The following CCDC88C variants were observed in gnomAD, a reference collection of about 807,000 sequenced individuals.
CCDC88C encodes protein Daple.
CCDC88C carries 131 observed loss-of-function variants against 198.8 expected under a neutral mutation model. The ratio of observed to expected loss-of-function variants is 0.66; its 90% CI spans 0.57 to 0.76. CCDC88C has a LOEUF of 0.76. Ranked by LOEUF, CCDC88C falls within the 30% of genes least tolerant of loss-of-function variation. CCDC88C has a pLI of 0.00. For missense variants in CCDC88C, 2,553 were observed against 2,631.6 expected, an observed-to-expected ratio of 0.97 and a Z score of 0.65; for synonymous variants, 1,166 against 1,114.7, an observed-to-expected ratio of 1.05 and a Z score of -0.92.
At chr14:91,380,660 C>A (rs1211949038) in intron 3 of CCDC88C, among the ~76,000 whole-genome samples, 1 of 152,126 alleles carries the variant, frequency 6.6e-6, no homozygotes. Flanking sequence ...CGTTTTCTTA[C>A]ATAACCACAA....
intron 3 of CCDC88C, among the ~76,000 whole-genome samples, chr14:91,405,468 C>T (rs911276452): frequency 6.6e-6 from 1 of 152,104 alleles, no homozygotes; most frequent in Non-Finnish European, 1.5e-5. Flanking sequence ...AGAGGCCGGG[C>T]GGCAGCTTTA....
At position 91,272,676 on chromosome 14, in the gene CCDC88C, C is replaced by T. The variant is rs747124464; in HGVS notation, c.6036G>A (p.Pro2012=). ...CGGTCTGCGGATCCCCGCCGGGCTC[C>T]GGGGAGGCCGGACTGCTCTTTGAGA... The part of the protein sequence containing the change: ...GSVSKSSPAS[P]EPGGDPQTVW... Residue 2012 remains proline, a synonymous_variant, in exon 30 of 30, where the codon CCG becomes CCA. Transcript: ENST00000389857. 1.9e-5 allele frequency: 31 copies of T among 1,611,672 alleles called. No individual in the cohort carries two copies. Among genetic ancestry groups the T allele is most frequent in the African/African-American group, 1.7e-4 (13 of 75,066 alleles).
chr14:91,278,250 C>G (rs747388258), intron 28 of CCDC88C, 39 bp from the exon 29 acceptor site: 5 of 1,544,836 alleles, frequency 3.2e-6, no homozygotes, highest in Admixed American at 3.7e-5. Context: ...CCTCATCAGT[C>G]TTGGCAGCCC....
chr14:91,320,647 G>C (rs1468287721), intron 13 of CCDC88C, among the ~76,000 whole-genome samples: 1 of 152,182 alleles, frequency 6.6e-6, no homozygotes, highest in Admixed American at 6.5e-5. Context: ...GAGCCCTTAG[G>C]CTGCAGGGTC....
chr14:91,391,239 G>A (rs1209865986), intron 3 of CCDC88C, among the ~76,000 whole-genome samples: 1 of 147,924 alleles, frequency 6.8e-6, no homozygotes, highest in African/African-American at 2.5e-5. Context: ...CTCTCTTCCT[G>A]CTAAAAACAA....
intron 27 of CCDC88C, 63 bp downstream of exon 27, chr14:91,281,394 G>T: frequency 1.2e-6 from 2 of 1,611,950 alleles, no homozygotes; most frequent in South Asian, 1.1e-5. Flanking sequence ...TAAAGGAAAG[G>T]TACCGTGGAT....
intron 3 of CCDC88C, among the ~76,000 whole-genome samples, chr14:91,383,494 G>T (rs565384920): frequency 4.6e-5 from 7 of 152,264 alleles, no homozygotes; most frequent in African/African-American, 9.6e-5. Context: ...CAGGAGGAAG[G>T]GGGTGGAGAA....
At chr14:91,301,577 T>C (rs1385547053) in intron 20 of CCDC88C, among the ~76,000 whole-genome samples, 1 of 151,900 alleles carries the variant, frequency 6.6e-6, no homozygotes, top group Non-Finnish European at 1.5e-5. Flanking sequence ...ATTAGCCGGG[T>C]GTGGTGGTGC....
chr14:91,325,923 T>C lies in CCDC88C; in HGVS notation c.1184A>G (p.His395Arg). 1.3e-6 allele frequency: 2 copies of C among 1,552,656 alleles called. No homozygotes were observed. The highest frequency in any genetic ancestry group is 3.9e-5 in the Admixed American group (2 of 51,068). ...KENLQLKSKLHDLELDRDTDK... is the reference protein window; with the variant it reads ...KENLQLKSKLRDLELDRDTDK... ...AGCCTGCAGTACCAATTCCAGGTCGTGAAGCTTGGATTTCAGCTGCAGGTT... is the reference window on the plus strand; with the variant it reads ...AGCCTGCAGTACCAATTCCAGGTCGCGAAGCTTGGATTTCAGCTGCAGGTT... Residue 395 changes from histidine to arginine, a missense_variant, in exon 11 of 30, where the codon CAC (histidine) becomes CGC (arginine). Physicochemically the swap from His to Arg is conservative, Grantham distance 29. Coordinates refer to ENST00000389857, the MANE Select transcript of CCDC88C (RefSeq NM_001080414.4). The surrounding 1 kb of genome is among the most constrained non-coding windows in gnomAD (Gnocchi z 4.1).
intron 16 of CCDC88C, 64 bp from the exon 17 acceptor site, chr14:91,308,556 C>T: frequency 1.3e-6 from 2 of 1,518,422 alleles, no homozygotes; most frequent in Non-Finnish European, 9.1e-7. Flanking sequence ...TCCCAGTGTC[C>T]TCGCTGCCAA....
At chr14:91,311,889 T>C (rs966824592) in intron 15 of CCDC88C, among the ~76,000 whole-genome samples, 1 of 152,022 alleles carries the variant, frequency 6.6e-6, no homozygotes, top group African/African-American at 2.4e-5. Context: ...GGTCTATGTA[T>C]ACAAGGATGT....
chr14:91,313,742 G>T lies in CCDC88C; in HGVS notation c.2074C>A (p.Leu692Ile). The change falls in exon 15 of 30, where the codon CTT becomes ATT. Residue 692 changes from leucine to isoleucine, a missense_variant. This residue lies in a region of CCDC88C where 1,260 missense variants were observed against 1,412.0 expected (regional missense o/e 0.89). Transcript: ENST00000389857. The surrounding 1 kb of genome is among the most constrained non-coding windows in gnomAD (Gnocchi z 5.2). ...LDTLQNVSLQ[L>I]EGLERDNKQL... is the part of the protein sequence containing the mutation. ...TTGTTGTCACGCTCCAGGCCCTCAA[G>T]CTGCAGGGACACGTTCTGCAAGGTG... 1.9e-6 allele frequency: 3 copies of T among 1,609,006 alleles called. No homozygotes were observed. Among genetic ancestry groups the T allele is most frequent in the Non-Finnish European group, 1.7e-6 (2 of 1,179,824 alleles).
chr14:91,289,259 G>A lies in CCDC88C; in HGVS notation c.4287C>T (p.Thr1429=), dbSNP rs146028766. The part of the protein sequence containing the change: ...KEGSRERLKS[T]VDSPPWQLES... ...CCAGCTGCCAGGGAGGGCTGTCCAC[G>A]GTGGATTTTAAGCGTTCCCTCGAAC... is the stretch of plus-strand genomic sequence containing the variant. Residue 1429 remains threonine, a synonymous_variant, in exon 25 of 30, where the codon ACC becomes ACT. Transcript: ENST00000389857. The A allele has an allele frequency of 3.9e-3, 6,289 of 1,614,064 alleles. 25 individuals carry two copies. Among genetic ancestry groups the A allele is most frequent in the Admixed American group, 5.2e-3 (313 of 60,026 alleles).
At chr14:91,293,331 A>ACGGCCC (rs1203977742) in intron 23 of CCDC88C, among the ~76,000 whole-genome samples, 1 of 120,182 alleles carries the variant, frequency 8.3e-6, no homozygotes, top group African/African-American at 3.3e-5. Context: ...CTCACCTGCC[A>ACGGCCC]AAGCTCACCT....
chr14:91,314,175 AC>A (rs1891992059), intron 14 of CCDC88C, 25 bp from the exon 15 acceptor site: 4 of 1,570,318 alleles, frequency 2.5e-6, no homozygotes, highest in Non-Finnish European at 2.6e-6. Flanking sequence ...AACAGGCACA[AC>A]CCAGGCTGCT....
chr14:91,398,367 C>T (rs1885972988), intron 3 of CCDC88C, among the ~76,000 whole-genome samples: 1 of 152,220 alleles, frequency 6.6e-6, no homozygotes, highest in Admixed American at 6.5e-5. Context: ...GCTTGTAACA[C>T]CAACACTGGC....
chr14:91,329,429 G>C (rs1892717611), intron 10 of CCDC88C, among the ~76,000 whole-genome samples: 1 of 152,202 alleles, frequency 6.6e-6, no homozygotes, highest in African/African-American at 2.4e-5. Flanking sequence ...AGCTGCTGGA[G>C]GCTGGGGCCC....
Position 91,332,343 on chromosome 14 carries a change from G to A in CCDC88C, c.1050+5662C>T, listed in dbSNP as rs145808471. Among the ~76,000 whole-genome samples the A allele has an allele frequency of 2.6e-3, 399 of 152,260 alleles. 2 individuals are homozygous for A. The highest frequency in any genetic ancestry group is 8.7e-3 in the African/African-American group (361 of 41,550). ...AGTCAGGGACACCCCACGCCCGCCC[G>A]CACGCTTCCTCCTGGACCGAGGGAC... On this transcript the variant is annotated intron_variant, in intron 10 of 29. Transcript: ENST00000389857.
intron 13 of CCDC88C, 73 bp from the exon 14 acceptor site, chr14:91,315,860 G>A (rs1327550712): frequency 6.6e-7 from 1 of 1,513,862 alleles, no homozygotes; most frequent in African/African-American, 1.4e-5. Flanking sequence ...AAACAAAACA[G>A]AAACCACCCC....
Sources: allele counts gnomAD v4.1 joint callset (sites outside exome capture counted in the v4.1 genomes callset), GRCh38; gene constraint gnomAD v4.1.1; regional missense constraint gnomAD v4.1.1; non-coding constraint Gnocchi (gnomAD v3.1); transcripts MANE v1.5; gene names NCBI Gene and HGNC (gene_info 2026-07-23, HGNC 2026-07-21).